KCNIP4: variants seen among roughly 807,000 people sequenced by gnomAD.
KCNIP4 encodes the protein potassium voltage-gated channel interacting protein 4.
KCNIP4 carries 12 observed loss-of-function variants against 34.0 expected under a neutral mutation model. That is an observed-to-expected ratio of 0.35 (90% confidence interval 0.23 to 0.57). KCNIP4 has a LOEUF of 0.57. Ranked by LOEUF, KCNIP4 falls within the 20% of genes least tolerant of loss-of-function variation. KCNIP4 has a pLI of 0.83. For synonymous variants in KCNIP4, 124 were observed against 102.2 expected, an observed-to-expected ratio of 1.21 and a Z score of -1.29; for missense variants, 238 against 311.7, an observed-to-expected ratio of 0.76 and a Z score of 1.78.
At chr4:20,879,767 G>GA (rs1451902955) in intron 2 of KCNIP4, among the ~76,000 whole-genome samples, 1 of 152,138 alleles carries the variant, frequency 6.6e-6, no homozygotes, top group Non-Finnish European at 1.5e-5. Context: ...ATGCTTTGCT[G>GA]AAAAACATTT....
chr4:20,747,871 C>G (rs1752699391), intron 5 of KCNIP4, among the ~76,000 whole-genome samples: 1 of 152,094 alleles, frequency 6.6e-6, no homozygotes, highest in Admixed American at 6.6e-5. Flanking sequence ...TTCATCTTGA[C>G]TCCACAAAGC....
intron 1 of KCNIP4, among the ~76,000 whole-genome samples, chr4:21,247,255 C>T (rs1760274226): frequency 6.6e-6 from 1 of 152,082 alleles, no homozygotes; most frequent in Non-Finnish European, 1.5e-5. Context: ...AAAACCACCT[C>T]AAATTACTGT....
intron 1 of KCNIP4, chr4:21,844,518 C>T (rs1723887991): frequency 6.6e-6 from 1 of 152,056 alleles, no homozygotes; most frequent in South Asian, 2.1e-4. Flanking sequence ...CCTATGTCCA[C>T]ACCAGAACTG....
At chr4:21,489,032 C>T (rs998906952) in intron 1 of KCNIP4, among the ~76,000 whole-genome samples, 4 of 152,130 alleles carry the variant, frequency 2.6e-5, no homozygotes, top group African/African-American at 7.2e-5. Flanking sequence ...ATGTTTTTTA[C>T]GATGCAACAC....
At chr4:21,206,007 G>A (rs536671884) in intron 1 of KCNIP4, among the ~76,000 whole-genome samples, 15 of 152,126 alleles carry the variant, frequency 9.9e-5, no homozygotes, top group Non-Finnish European at 2.2e-4. Context: ...CCTCTGTAAG[G>A]CACTAACACA....
intron 1 of KCNIP4, among the ~76,000 whole-genome samples, chr4:21,904,165 A>T (rs1727863612): frequency 6.6e-6 from 1 of 152,190 alleles, no homozygotes; most frequent in Non-Finnish European, 1.5e-5. Context: ...CATTAAAAAC[A>T]AACAGGAAAA....
chr4:21,837,875 A>G (rs1723449177), intron 1 of KCNIP4, among the ~76,000 whole-genome samples: 2 of 152,182 alleles, frequency 1.3e-5, no homozygotes, highest in African/African-American at 4.8e-5. Flanking sequence ...CAATATTTCT[A>G]CTAAAATAAT....
intron 1 of KCNIP4, among the ~76,000 whole-genome samples, chr4:21,803,826 C>T (rs1343324008): frequency 6.6e-6 from 1 of 152,210 alleles, no homozygotes; most frequent in African/African-American, 2.4e-5. Flanking sequence ...TTACTTATGT[C>T]TGTCTCTCTG....
chr4:21,702,352 T>C (rs954342547), intron 1 of KCNIP4, among the ~76,000 whole-genome samples: 1 of 152,106 alleles, frequency 6.6e-6, no homozygotes, highest in Non-Finnish European at 1.5e-5. Flanking sequence ...CAAAACCCAA[T>C]GACCTCCAAA....
chr4:20,882,399 G>A (rs1306299793), intron 2 of KCNIP4, among the ~76,000 whole-genome samples: 2 of 152,110 alleles, frequency 1.3e-5, no homozygotes, highest in Non-Finnish European at 2.9e-5. Flanking sequence ...ACAGGCTCCT[G>A]TCACTAAGAC....
chr4:21,127,892 C>A (rs1295543276), intron 1 of KCNIP4, among the ~76,000 whole-genome samples: 1 of 152,188 alleles, frequency 6.6e-6, no homozygotes, highest in Non-Finnish European at 1.5e-5. Context: ...ATATAAAAAT[C>A]AGTCCAGGCT....
At chr4:21,811,175 C>A (rs1408533715) in intron 1 of KCNIP4, among the ~76,000 whole-genome samples, 1 of 152,172 alleles carries the variant, frequency 6.6e-6, no homozygotes, top group South Asian at 2.1e-4. Context: ...AACAGCAACA[C>A]ATTTCAGATT....
chr4:21,184,935 C>T (rs1165789184), intron 1 of KCNIP4, among the ~76,000 whole-genome samples: 1 of 152,150 alleles, frequency 6.6e-6, no homozygotes, highest in Non-Finnish European at 1.5e-5. Context: ...TTAGGATGAG[C>T]ATTCCCAATT....
rs117803523 is a variant in KCNIP4 at position 20,862,320 on chromosome 4, A to T, written c.164-11653T>A. Among the ~76,000 whole-genome samples the T allele has an allele frequency of 2.3e-4, 35 of 152,200 alleles. No individual in the cohort carries two copies. In the South Asian group the frequency reaches 3.9e-3, roughly 17 times the overall value. ...TTATTTTTTAGGTGGTAGGGTCTTA[A>T]TTGATTTTTGGTAAATAAGAAAAAC... On this transcript the variant is annotated intron_variant, in intron 2 of 8. Coordinates refer to ENST00000382152, the MANE Select transcript of KCNIP4 (RefSeq NM_025221.6).
At chr4:21,743,634 C>T (rs1716573542) in intron 1 of KCNIP4, among the ~76,000 whole-genome samples, 1 of 151,132 alleles carries the variant, frequency 6.6e-6, no homozygotes, top group South Asian at 2.1e-4. Context: ...TGACACAATT[C>T]CTTTTTTTTG....
chr4:21,684,825 G>T (rs1311103724), intron 1 of KCNIP4, among the ~76,000 whole-genome samples: 1 of 151,464 alleles, frequency 6.6e-6, no homozygotes, highest in African/African-American at 2.4e-5. Context: ...CCTCTCCCCC[G>T]ACCCCATGAC....
At chr4:21,624,097 C>T (rs1345953684) in intron 1 of KCNIP4, among the ~76,000 whole-genome samples, 1 of 152,072 alleles carries the variant, frequency 6.6e-6, no homozygotes, top group Non-Finnish European at 1.5e-5. Flanking sequence ...CAATGTACTA[C>T]AATGAATAGC....
intron 1 of KCNIP4, among the ~76,000 whole-genome samples, chr4:21,567,878 G>A (rs539292663): frequency 5.7e-4 from 86 of 152,156 alleles, no homozygotes; most frequent in African/African-American, 1.9e-3. Context: ...ATTTTTCTAG[G>A]TACCAGTGGG....
chr4:21,751,895 C>T (rs1426929582), intron 1 of KCNIP4, among the ~76,000 whole-genome samples: 1 of 152,052 alleles, frequency 6.6e-6, no homozygotes, highest in African/African-American at 2.4e-5. Context: ...GAATGAACTC[C>T]AAGGAAAAGA....
Sources: allele counts gnomAD v4.1 joint callset (sites outside exome capture counted in the v4.1 genomes callset), GRCh38; gene constraint gnomAD v4.1.1; transcripts MANE v1.5; gene names NCBI Gene and HGNC (gene_info 2026-07-23, HGNC 2026-07-21).